Variants in GDAP2 observed in about 807,000 individuals in gnomAD.
GDAP2 encodes the protein ganglioside-induced differentiation-associated protein 2.
Under a neutral mutation model 67.0 loss-of-function variants are expected in GDAP2, and 51 were observed. That is an observed-to-expected ratio of 0.76 (90% CI 0.61 to 0.96). The LOEUF is 0.96. Ranked by LOEUF, GDAP2 falls within the 40% of genes least tolerant of loss-of-function variation. The pLI is 0.00. For missense variants in GDAP2, 547 were observed against 588.3 expected, an observed-to-expected ratio of 0.93 and a Z score of 0.73; for synonymous variants, 203 against 207.3, an observed-to-expected ratio of 0.98 and a Z score of 0.18.
At chr1:117,917,036 GAA>G (rs771487535) in intron 3 of GDAP2, among the ~76,000 whole-genome samples, 2 of 124,886 alleles carry the variant, frequency 1.6e-5, no homozygotes, top group Non-Finnish European at 1.7e-5. Flanking sequence ...TCTGTCTCAG[GAA>G]AAAAAAAAAA....
At chr1:117,925,556 A>C (rs976392861) in intron 1 of GDAP2, among the ~76,000 whole-genome samples, 5 of 152,142 alleles carry the variant, frequency 3.3e-5, no homozygotes, top group Non-Finnish European at 5.9e-5. Flanking sequence ...TGATAGGTAA[A>C]ATCATACTGG....
chr1:117,886,278 CAATTAT>C (rs753932237), intron 10 of GDAP2, among the ~76,000 whole-genome samples: 5 of 152,112 alleles, frequency 3.3e-5, no homozygotes, highest in Middle Eastern at 3.2e-3. Context: ...TTTGATTACA[CAATTAT>C]AATACAGAAT....
At position 117,899,153 on chromosome 1, in the gene GDAP2, A is replaced by C; in HGVS notation, c.700T>G (p.Leu234Val). The C allele has an allele frequency of 6.2e-7, 1 of 1,610,518 alleles. No individual in the cohort carries two copies. Among genetic ancestry groups the C allele is most frequent in the Non-Finnish European group, 8.5e-7 (1 of 1,176,746 alleles). Residue 234 changes from leucine (L) to valine (V), a missense_variant, in exon 7 of 14, where the codon TTG (leucine) becomes GTG (valine). By Grantham distance (32) the Leu-to-Val change is conservative. Transcript: ENST00000369443. ...PRSLKEENRS[L>V]PYLPADIGNA... ...CCAATATCTGCAGGTAGGTAGGGCAATGATCGATTCTCCTCTTTTAATGAC... is the reference window on the plus strand; with the variant it reads ...CCAATATCTGCAGGTAGGTAGGGCACTGATCGATTCTCCTCTTTTAATGAC...
At chr1:117,920,481 C>T (rs1650214077) in intron 1 of GDAP2, 57 bp from the exon 2 acceptor site, 1 of 577,742 alleles carries the variant, frequency 1.7e-6, no homozygotes, top group Non-Finnish European at 3.0e-6. Flanking sequence ...TACTTGAATT[C>T]TATTAAAGCA....
chr1:117,868,880 GAC>G lies in GDAP2; in HGVS notation c.*1687_*1688del, dbSNP rs1191518011. On this transcript the variant is annotated 3_prime_UTR_variant, in exon 14 of 14. Transcript: ENST00000369443. ...TAAGGATCAAGTAATTTTGAGGTCT[GAC>G]ACAAAGAAAATGTGTTCAATACATG... 1 of 152,118 alleles carries G rather than the reference GAC, an allele frequency of 6.6e-6. No homozygotes were observed. Among genetic ancestry groups the G allele is most frequent in the Admixed American group, 6.6e-5 (1 of 15,254 alleles). 9.4% of individuals were successfully genotyped at this position (152,118 alleles called of 1,614,324 possible). A position where few individuals can be genotyped will look rare whatever the true frequency, so the allele number is the denominator to read the frequency against.
At chr1:117,926,483 T>G (rs1468821613) in intron 1 of GDAP2, among the ~76,000 whole-genome samples, 2 of 152,240 alleles carry the variant, frequency 1.3e-5, no homozygotes, top group African/African-American at 4.8e-5. Flanking sequence ...GGACAAAATT[T>G]AATGGCATTT....
intron 8 of GDAP2, among the ~76,000 whole-genome samples, chr1:117,888,758 T>C (rs1175706134): frequency 6.6e-6 from 1 of 152,172 alleles, no homozygotes; most frequent in Non-Finnish European, 1.5e-5. Flanking sequence ...CTTCTAATCC[T>C]ACTGCTTTCG....
chr1:117,877,759 A>G, intron 13 of GDAP2: 1 of 1,196,988 alleles, frequency 8.4e-7, no homozygotes, highest in South Asian at 3.9e-5. Flanking sequence ...ACAAACGAAA[A>G]TTGGTTCTGA....
chr1:117,906,256 C>T (rs1464499602), intron 6 of GDAP2, among the ~76,000 whole-genome samples: 3 of 152,160 alleles, frequency 2.0e-5, no homozygotes, highest in Non-Finnish European at 2.9e-5. Flanking sequence ...AGCAGAACAA[C>T]TCCACTTTGT....
chr1:117,912,587 C>CA lies in GDAP2; in HGVS notation c.412_413insT (p.Arg138LeufsTer5). On this transcript the variant is annotated frameshift_variant, in exon 4 of 14. Coordinates refer to ENST00000369443, the MANE Select transcript of GDAP2 (RefSeq NM_017686.4). LOFTEE classifies it high-confidence loss of function. Reference sequence around the variant, plus strand: ...ATAAAGGGAACTCTCAGCTGCTGTGCGATAGCGGCTTTTATATTTAGGTCC... The same window carrying CA: ...ATAAAGGGAACTCTCAGCTGCTGTGCAGATAGCGGCTTTTATATTTAGGTCC... The CA allele has an allele frequency of 6.2e-7, 1 of 1,612,874 alleles. No individual in the cohort carries two copies. Among genetic ancestry groups the CA allele is most frequent in the Non-Finnish European group, 8.5e-7 (1 of 1,178,962 alleles).
chr1:117,879,410 G>A (rs553611813), intron 12 of GDAP2, among the ~76,000 whole-genome samples: 5 of 152,212 alleles, frequency 3.3e-5, no homozygotes, highest in Admixed American at 6.5e-5. Flanking sequence ...GGTCCTATAA[G>A]ATGCCTAAGT....
At chr1:117,910,080 G>T (rs1649801072) in intron 5 of GDAP2, among the ~76,000 whole-genome samples, 1 of 152,052 alleles carries the variant, frequency 6.6e-6, no homozygotes, top group South Asian at 2.1e-4. Context: ...CTTTCGTTAG[G>T]TACCATTTAG....
chr1:117,873,184 T>G (rs895868505), intron 13 of GDAP2, among the ~76,000 whole-genome samples: 1 of 152,312 alleles, frequency 6.6e-6, no homozygotes, highest in South Asian at 2.1e-4. Context: ...GAAACAATCA[T>G]AGAAATTTTA....
intron 13 of GDAP2, among the ~76,000 whole-genome samples, chr1:117,871,086 C>T (rs1294535251): frequency 6.6e-6 from 1 of 152,048 alleles, no homozygotes. Flanking sequence ...TTACTGTGTG[C>T]CAAATCTTAA....
chr1:117,898,002 A>T (rs1387109005), intron 7 of GDAP2, among the ~76,000 whole-genome samples: 1 of 152,244 alleles, frequency 6.6e-6, no homozygotes, highest in South Asian at 2.1e-4. Flanking sequence ...AAAATATTTA[A>T]GAATGCTAAG....
At chr1:117,876,144 A>G (rs1648445504) in intron 13 of GDAP2, among the ~76,000 whole-genome samples, 1 of 152,016 alleles carries the variant, frequency 6.6e-6, no homozygotes, top group Non-Finnish European at 1.5e-5. Flanking sequence ...GTCTAATGTG[A>G]GGTGTTTGAG....
Position 117,911,037 on chromosome 1 carries a change from G to A in GDAP2, c.559+957C>T, listed in dbSNP as rs12032232. ...GCTTGAAAAATGTAGCACAGAATAA[G>A]TCCAAATGAGATTCCTTCAGATATT... is the stretch of plus-strand genomic sequence containing the variant. On this transcript the variant is annotated intron_variant, in intron 5 of 13. Coordinates refer to ENST00000369443, the MANE Select transcript of GDAP2 (RefSeq NM_017686.4). 0.024 allele frequency among the ~76,000 whole-genome samples: 3,600 copies of A among 152,266 alleles called. 259 individuals carry two copies. The East Asian group carries it at 0.28, about 12-fold the overall frequency.
Position 117,887,782 on chromosome 1 carries a change from A to G in GDAP2, c.954-8T>C. 1 of 1,432,108 alleles carries G rather than the reference A, an allele frequency of 7.0e-7. No homozygotes were observed. The highest frequency in any genetic ancestry group is 2.0e-4 in the Middle Eastern group (1 of 5,124). 88.7% of individuals were successfully genotyped at this position (1,432,108 alleles called of 1,614,324 possible). The stretch of plus-strand genomic sequence containing the variant: ...CATAACCAGCGATTATAACTAGGGA[A>G]ATAAATGATATAATCATTATAATAA... On this transcript the variant is annotated splice_region_variant and splice_polypyrimidine_tract_variant and intron_variant, in intron 8 of 13. Transcript: ENST00000369443.
At chr1:117,877,932 G>A in intron 13 of GDAP2, 77 bp downstream of exon 13, 1 of 1,500,222 alleles carries the variant, frequency 6.7e-7, no homozygotes, top group Non-Finnish European at 9.0e-7. Flanking sequence ...ATGACAGGAT[G>A]TTGTGCTCGT....
Sources: gnomAD v4.1 joint callset for allele counts (sites outside exome capture counted in the v4.1 genomes callset) on GRCh38, gnomAD v4.1.1 for gene constraint, MANE v1.5 for transcripts, NCBI Gene and HGNC (gene_info 2026-07-23, HGNC 2026-07-21) for gene names.